ELF2: variants seen among roughly 807,000 people sequenced by gnomAD.
ELF2 encodes ETS-related transcription factor Elf-2.
In ELF2, 11 loss-of-function variants were observed where a neutral mutation model predicts 54.8. That is an observed-to-expected ratio of 0.20 (90% CI 0.13 to 0.33). The LOEUF is 0.33. Among genes scored for constraint, ELF2 ranks in the 10% least tolerant of loss-of-function variants. ELF2 has a pLI of 1.00. For synonymous variants in ELF2, 203 were observed against 245.1 expected, an observed-to-expected ratio of 0.83 and a Z score of 1.61; for missense variants, 513 against 703.0, an observed-to-expected ratio of 0.73 and a Z score of 3.06.
intron 2 of ELF2, among the ~76,000 whole-genome samples, 196 bp downstream of exon 2, chr4:139,139,217 T>C (rs1373105537): frequency 6.6e-6 from 1 of 152,076 alleles, no homozygotes; most frequent in Non-Finnish European, 1.5e-5. Flanking sequence ...ATGAAATACC[T>C]GAAAAAAAGC....
chr4:139,081,991 C>G (rs1190948040), intron 4 of ELF2, among the ~76,000 whole-genome samples: 6 of 152,090 alleles, frequency 3.9e-5, no homozygotes, highest in Non-Finnish European at 8.8e-5. Context: ...TTTAAAACCC[C>G]TTATCAAAAG....
At chr4:139,062,174 C>CT (rs201805316) in intron 7 of ELF2, 117 bp from the exon 8 acceptor site, 215,743 of 869,792 alleles carry the variant, frequency 0.25, 3,394 homozygotes, top group South Asian at 0.32. Context: ...CTTGTTTCTA[C>CT]TTTTTTTTTT....
intron 4 of ELF2, among the ~76,000 whole-genome samples, chr4:139,083,459 C>A (rs1348586182): frequency 2.0e-5 from 3 of 152,184 alleles, no homozygotes; most frequent in Non-Finnish European, 4.4e-5. Context: ...GAAACATCAT[C>A]CCGGTTACTC....
chr4:139,084,398 C>T (rs2148736591), intron 4 of ELF2: 1 of 1,426,220 alleles, frequency 7.0e-7, no homozygotes. Flanking sequence ...GGCTGAGAAA[C>T]CCCACCACCT....
At chr4:139,148,131 T>A (rs1739439637) in intron 1 of ELF2, among the ~76,000 whole-genome samples, 2 of 150,596 alleles carry the variant, frequency 1.3e-5, no homozygotes, top group Non-Finnish European at 3.0e-5. Flanking sequence ...GTACTTTCTA[T>A]CTCCAGAGAG....
intron 1 of ELF2, among the ~76,000 whole-genome samples, chr4:139,159,525 T>A (rs560020167): frequency 2.0e-5 from 3 of 152,200 alleles, no homozygotes; most frequent in Admixed American, 2.0e-4. Flanking sequence ...CCCTGAGGGA[T>A]AGAAGTTGGA....
chr4:139,091,993 CTATA>C (rs1185653011), intron 4 of ELF2, among the ~76,000 whole-genome samples: 3 of 148,264 alleles, frequency 2.0e-5, no homozygotes, highest in Non-Finnish European at 4.5e-5. Context: ...CATATATACA[CTATA>C]TATATACATA....
intron 4 of ELF2, among the ~76,000 whole-genome samples, chr4:139,113,178 T>C (rs552825177): frequency 6.6e-6 from 1 of 152,064 alleles, no homozygotes; most frequent in South Asian, 2.1e-4. Flanking sequence ...GGCAACATAC[T>C]GAGATCTTGT....
chr4:139,151,044 G>GAAAAGAAAAGA (rs1560871298), intron 1 of ELF2, among the ~76,000 whole-genome samples: 2 of 64,312 alleles, frequency 3.1e-5, no homozygotes, highest in African/African-American at 9.0e-5. Flanking sequence ...AAGAAAGAAA[G>GAAAAGAAAAGA]AAAGAAAGAA....
chr4:139,084,438 G>GGGCAGGGGCGGCAGGGGCAGGGGCGGC (rs1553957925), intron 4 of ELF2: 2 of 1,118,152 alleles, frequency 1.8e-6, no homozygotes, highest in East Asian at 4.5e-5. Context: ...GCAGGGGCAG[G>GGGCAGGGGCGGCAGGGGCAGGGGCGGC]GGCGGCGGCG....
chr4:139,098,333 T>C (rs1325998997), intron 4 of ELF2, among the ~76,000 whole-genome samples: 1 of 152,212 alleles, frequency 6.6e-6, no homozygotes, highest in Admixed American at 6.5e-5. Flanking sequence ...GATTTTGTTT[T>C]CTAGATTGTT....
intron 4 of ELF2, among the ~76,000 whole-genome samples, chr4:139,082,789 G>GA (rs1218903882): frequency 6.6e-6 from 1 of 152,192 alleles, no homozygotes; most frequent in Non-Finnish European, 1.5e-5. Flanking sequence ...TAGGAACCGG[G>GA]AAGAGGAACA....
At chr4:139,060,800 GA>G in intron 8 of ELF2, 126 bp from the exon 9 acceptor site, 1 of 800,218 alleles carries the variant, frequency 1.2e-6, no homozygotes, top group East Asian at 2.7e-5. Context: ...TAACAGATGA[GA>G]AAAAAACAAA....
intron 7 of ELF2, chr4:139,066,009 C>CTTTTTTTTTTT (rs372715360): frequency 4.7e-5 from 5 of 105,682 alleles, no homozygotes; most frequent in African/African-American, 1.5e-4. Flanking sequence ...TCAATGTCAC[C>CTTTTTTTTTTT]TTTTTTTTTT....
At chr4:139,153,262 C>T (rs1364736236) in intron 1 of ELF2, among the ~76,000 whole-genome samples, 1 of 151,902 alleles carries the variant, frequency 6.6e-6, no homozygotes, top group Admixed American at 6.6e-5. Flanking sequence ...TGGGGAGACC[C>T]CATCTCTACT....
At chr4:139,159,588 T>A (rs1395378096) in intron 1 of ELF2, among the ~76,000 whole-genome samples, 1 of 152,118 alleles carries the variant, frequency 6.6e-6, no homozygotes, top group Admixed American at 6.5e-5. Context: ...TCCTGAGCCA[T>A]GGGATCTGAT....
Position 139,063,382 on chromosome 4 carries a change from T to C in ELF2, c.614-1325A>G, listed in dbSNP as rs554260237. 7.2e-4 allele frequency among the ~76,000 whole-genome samples: 109 copies of C among 152,332 alleles called. 1 individual carries two copies. The highest frequency in any genetic ancestry group is 3.9e-3 in the South Asian group (19 of 4,830). On this transcript the variant is annotated intron_variant, in intron 7 of 9. Transcript: ENST00000686138. ...AATGTTTAAAGGATTTCATTATATA[T>C]ACTTATATCTTAAATTCTGAGGTCC...
In ELF2 at chr4:139,134,794, C is replaced by T. The variant is rs572598314; in HGVS notation, c.72+2836G>A. Among the ~76,000 whole-genome samples, 10 of 151,590 alleles carry T rather than the reference C, an allele frequency of 6.6e-5. No homozygotes were observed. The South Asian group carries it at 2.1e-3, about 32-fold the overall frequency. On this transcript the variant is annotated intron_variant, in intron 3 of 9. Coordinates refer to ENST00000686138, the MANE Select transcript of ELF2 (RefSeq NM_001331036.3). ...CTCCTGTCCTCAAGTGATCATCCTG[C>T]CTTGGCCTCCCAAAGTGTAGGGGTT...
intron 1 of ELF2, among the ~76,000 whole-genome samples, chr4:139,174,899 A>G (rs557304897): frequency 5.3e-5 from 8 of 152,304 alleles, no homozygotes; most frequent in African/African-American, 1.9e-4. Context: ...GATTACAGGC[A>G]CAAGCCACTG....
Sources: gnomAD v4.1 joint callset for allele counts (sites outside exome capture counted in the v4.1 genomes callset) on GRCh38, gnomAD v4.1.1 for gene constraint, MANE v1.5 for transcripts, NCBI Gene and HGNC (gene_info 2026-07-23, HGNC 2026-07-21) for gene names.